Variants in EYA1 observed in about 807,000 individuals in gnomAD.
EYA1 encodes protein phosphatase EYA1.
EYA1 carries 16 observed loss-of-function variants against 82.0 expected under a neutral mutation model. The observed-to-expected ratio is 0.20, with a 90% CI of 0.13 to 0.30. The LOEUF (loss-of-function observed/expected upper bound fraction) is 0.30, where lower values mean the gene tolerates loss of function less well. EYA1 is among the 10% of genes least tolerant of loss of function. The pLI is 1.00. For synonymous variants in EYA1, 261 were observed against 264.4 expected (o/e 0.99, Z 0.12); for missense variants, 633 against 730.7 (o/e 0.87, Z 1.54).
intron 2 of EYA1, among the ~76,000 whole-genome samples, chr8:71,504,643 C>T (rs906397142): frequency 1.2e-4 from 19 of 152,124 alleles, no homozygotes; most frequent in Non-Finnish European, 2.2e-4. Context: ...ACATCAGAAT[C>T]ACCTGGGATG....
At chr8:71,232,903 G>A (rs754195894) in intron 12 of EYA1, among the ~76,000 whole-genome samples, 2 of 152,100 alleles carry the variant, frequency 1.3e-5, no homozygotes, top group African/African-American at 2.4e-5. Flanking sequence ...TGCTTCCTGC[G>A]AGCCAGTGCT....
At chr8:71,433,258 G>A (rs1586707197) in intron 2 of EYA1, among the ~76,000 whole-genome samples, 1 of 152,100 alleles carries the variant, frequency 6.6e-6, no homozygotes, top group Admixed American at 6.6e-5. Flanking sequence ...CATAGGAAAA[G>A]GTAAGGAGAA....
chr8:71,321,528 T>A (rs1201321314), intron 6 of EYA1, among the ~76,000 whole-genome samples: 1 of 152,200 alleles, frequency 6.6e-6, no homozygotes, highest in Non-Finnish European at 1.5e-5. Context: ...ACGAACCACA[T>A]AATCTTTTCG....
intron 16 of EYA1, among the ~76,000 whole-genome samples, chr8:71,211,814 GA>G (rs1442565001): frequency 6.6e-6 from 1 of 152,176 alleles, no homozygotes; most frequent in Non-Finnish European, 1.5e-5. Context: ...TAAAGACCCT[GA>G]AAGTCTGATG....
rs537664575 is a variant in EYA1, at chr8:71,454,427, G to C, written c.33+81317C>G. On this transcript the variant is annotated intron_variant, in intron 2 of 18. Transcript: ENST00000643681. ...AGTTCTGCACCAAGCGGACTTAATA[G>C]ACATCTACAGAACTCTCCACCAAAT... Among the ~76,000 whole-genome samples the C allele has an allele frequency of 3.9e-5, 6 of 152,308 alleles. No individual in the cohort carries two copies. In the East Asian group the frequency reaches 9.6e-4, roughly 24 times the overall value.
chr8:71,399,333 G>C (rs1370035672), intron 2 of EYA1, among the ~76,000 whole-genome samples: 46 of 152,184 alleles, frequency 3.0e-4, no homozygotes, highest in Admixed American at 3.0e-3. Context: ...AGTTGGAAAT[G>C]CGGAAATCAC....
intron 2 of EYA1, among the ~76,000 whole-genome samples, chr8:71,503,677 G>A (rs1362357010): frequency 2.0e-5 from 3 of 152,106 alleles, no homozygotes; most frequent in African/African-American, 7.2e-5. Flanking sequence ...CTACTTCTTC[G>A]ACAAATGATA....
At position 71,382,143 on chromosome 8, in the gene EYA1, G is replaced by A. The variant is rs181776929; in HGVS notation, c.34-25632C>T. Among the ~76,000 whole-genome samples, 122 of 152,208 alleles carry A rather than the reference G, an allele frequency of 8.0e-4. 1 individual carries two copies. The highest frequency in any genetic ancestry group is 6.8e-3 in the Middle Eastern group (2 of 294). ...TAAAACTAGACATTTTAGTAGAACC[G>A]CAGATGAATTACATAATATTTATAA... On this transcript the variant is annotated intron_variant, in intron 2 of 18. Transcript: ENST00000643681.
At chr8:71,318,949 T>A (rs898751765) in intron 6 of EYA1, among the ~76,000 whole-genome samples, 3 of 152,106 alleles carry the variant, frequency 2.0e-5, no homozygotes, top group African/African-American at 4.8e-5. Flanking sequence ...AACCAATGAA[T>A]AACCCACACA....
At chr8:71,345,773 G>A (rs1371444113) in intron 3 of EYA1, among the ~76,000 whole-genome samples, 1 of 152,048 alleles carries the variant, frequency 6.6e-6, no homozygotes, top group Non-Finnish European at 1.5e-5. Flanking sequence ...CCTTCTTAGT[G>A]CCCACTACCC....
chr8:71,202,308 C>T (rs1053436000), intron 17 of EYA1, among the ~76,000 whole-genome samples: 1 of 151,920 alleles, frequency 6.6e-6, no homozygotes, highest in African/African-American at 2.4e-5. Context: ...CATTTAATTT[C>T]ATAGTAAACA....
At chr8:71,260,002 C>T (rs1034642065) in intron 11 of EYA1, among the ~76,000 whole-genome samples, 2 of 152,130 alleles carry the variant, frequency 1.3e-5, no homozygotes, top group African/African-American at 4.8e-5. Context: ...ATAAGAACCA[C>T]TAAAAATGGC....
chr8:71,276,364 C>A (rs1458634258), intron 9 of EYA1, among the ~76,000 whole-genome samples: 1 of 152,136 alleles, frequency 6.6e-6, no homozygotes, highest in Non-Finnish European at 1.5e-5. Flanking sequence ...TGATGCCCTC[C>A]AAGCTGATAA....
At chr8:71,267,848 G>A (rs927660597) in intron 11 of EYA1, among the ~76,000 whole-genome samples, 6 of 152,012 alleles carry the variant, frequency 3.9e-5, no homozygotes, top group African/African-American at 7.2e-5. Flanking sequence ...GCGCCCGGCC[G>A]AGATAAAACT....
Position 71,197,739 on chromosome 8 carries a change from G to A in EYA1, c.*1601C>T, listed in dbSNP as rs754159496. 6.6e-6 allele frequency: 1 copy of A among 152,532 alleles called. No individual in the cohort carries two copies. The highest frequency in any genetic ancestry group is 1.5e-5 in the Non-Finnish European group (1 of 68,014). The allele number at this position is 152,532 out of a possible 1,614,324, so 9.4% of individuals were successfully genotyped here. On this transcript the variant is annotated 3_prime_UTR_variant, in exon 18 of 18. Transcript: ENST00000340726. ...AATGAAGTAGCTCTTCAACTACTTC[G>A]GGTCAAAGCTGGTGTTTTTCCCGCC...
At chr8:71,409,850 G>A (rs1365835539) in intron 2 of EYA1, among the ~76,000 whole-genome samples, 1 of 136,004 alleles carries the variant, frequency 7.4e-6, no homozygotes, top group Admixed American at 7.3e-5. Context: ...TGGAAAAAGA[G>A]GGAATCCTCC....
chr8:71,399,645 A>T (rs1341129390), intron 2 of EYA1, among the ~76,000 whole-genome samples: 1 of 152,170 alleles, frequency 6.6e-6, no homozygotes, highest in Non-Finnish European at 1.5e-5. Flanking sequence ...ATCAGAGAGG[A>T]CACAAACAAA....
intron 2 of EYA1, among the ~76,000 whole-genome samples, chr8:71,494,178 A>T (rs1811241814): frequency 6.6e-6 from 1 of 152,152 alleles, no homozygotes; most frequent in African/African-American, 2.4e-5. Context: ...TTGGCATATA[A>T]TTTCACATTC....
At chr8:71,546,467 A>T (rs1815584524) in intron 1 of EYA1, among the ~76,000 whole-genome samples, 1 of 151,564 alleles carries the variant, frequency 6.6e-6, no homozygotes, top group East Asian at 1.9e-4. Context: ...TTGCACTCAT[A>T]GCCAGGATCC....
Sources: allele counts gnomAD v4.1 joint callset (sites outside exome capture counted in the v4.1 genomes callset), GRCh38; gene constraint gnomAD v4.1.1; transcripts MANE v1.5; gene names NCBI Gene and HGNC (gene_info 2026-07-23, HGNC 2026-07-21).